Variants in CNTNAP5 observed in about 807,000 individuals in gnomAD.
CNTNAP5 encodes contactin associated protein family member 5.
In CNTNAP5, 72 loss-of-function variants were observed where a neutral mutation model predicts 150.2. That is an observed-to-expected ratio of 0.48 (90% CI 0.40 to 0.58). CNTNAP5 has a LOEUF of 0.58. CNTNAP5 is among the 20% of genes least tolerant of loss of function. The pLI is 0.00. For missense variants in CNTNAP5, 1,636 were observed against 1,626.2 expected (o/e 1.01, Z -0.10); for synonymous variants, 672 against 619.8 (o/e 1.08, Z -1.25).
intron 7 of CNTNAP5, among the ~76,000 whole-genome samples, chr2:124,484,396 A>G (rs1289360067): frequency 4.6e-5 from 7 of 152,228 alleles, no homozygotes; most frequent in Admixed American, 3.9e-4. Context: ...GTGTTGAGGA[A>G]GAGAATAATC....
chr2:124,030,958 C>A (rs1681031378), intron 1 of CNTNAP5, among the ~76,000 whole-genome samples: 1 of 152,132 alleles, frequency 6.6e-6, no homozygotes, highest in East Asian at 1.9e-4. Context: ...CAGGACTGGC[C>A]CTGATCTGGC....
intron 13 of CNTNAP5, among the ~76,000 whole-genome samples, chr2:124,711,906 A>G (rs879609726): frequency 6.6e-6 from 1 of 152,162 alleles, no homozygotes; most frequent in African/African-American, 2.4e-5. Flanking sequence ...GCACCTCATC[A>G]CAGATAAGTA....
intron 19 of CNTNAP5, among the ~76,000 whole-genome samples, chr2:124,813,562 T>A (rs948772316): frequency 1.3e-5 from 2 of 151,824 alleles, no homozygotes; most frequent in East Asian, 2.0e-4. Flanking sequence ...CAGGGGCAAC[T>A]TTACTTGGTT....
At chr2:124,260,616 C>T (rs890559140) in intron 3 of CNTNAP5, among the ~76,000 whole-genome samples, 8 of 152,182 alleles carry the variant, frequency 5.3e-5, no homozygotes, top group Non-Finnish European at 1.0e-4. Flanking sequence ...GCAATCTACT[C>T]ATTTGACAAA....
At chr2:124,487,808 A>G (rs1157249730) in intron 7 of CNTNAP5, among the ~76,000 whole-genome samples, 1 of 151,862 alleles carries the variant, frequency 6.6e-6, no homozygotes, top group African/African-American at 2.4e-5. Context: ...TTTTTCCCCC[A>G]TGTTTTTACC....
At chr2:124,519,098 G>A (rs1203106099) in intron 8 of CNTNAP5, among the ~76,000 whole-genome samples, 1 of 150,312 alleles carries the variant, frequency 6.7e-6, no homozygotes, top group Non-Finnish European at 1.5e-5. Flanking sequence ...AGAGCATAAT[G>A]TATGATTTTA....
chr2:124,788,962 C>T (rs1195042839), intron 17 of CNTNAP5, among the ~76,000 whole-genome samples: 1 of 152,108 alleles, frequency 6.6e-6, no homozygotes, highest in Non-Finnish European at 1.5e-5. Context: ...AGCCTCACCA[C>T]ACACCCACAC....
rs570937502 is a variant in CNTNAP5 at position 124,379,717 on chromosome 2, G to A, written c.382-37726G>A. Among the ~76,000 whole-genome samples the A allele has an allele frequency of 1.6e-4, 24 of 152,190 alleles. No individual in the cohort carries two copies. The East Asian group carries it at 1.7e-3, about 11-fold the overall frequency. ...GGCCTCCCTTGTGAGGTCTGGCAGC[G>A]CCCTCACAAGGGAGTTTTGTAACCA... On this transcript the variant is annotated intron_variant, in intron 3 of 23. Transcript: ENST00000682447.
At position 124,406,220 on chromosome 2, in the gene CNTNAP5, T is replaced by C. The variant is rs180773008; in HGVS notation, c.382-11223T>C. Among the ~76,000 whole-genome samples the C allele has an allele frequency of 6.1e-4, 93 of 152,362 alleles. No individual in the cohort carries two copies. The South Asian group carries it at 0.013, about 21-fold the overall frequency. ...ACTGTACGGTTTTAACTAAGACCTA[T>C]CTTATTGTGCAGGATATGGTCTCAG... is the stretch of plus-strand genomic sequence containing the variant. On this transcript the variant is annotated intron_variant, in intron 3 of 23. Transcript: ENST00000682447.
chr2:124,891,810 T>C (rs555995351), intron 21 of CNTNAP5, among the ~76,000 whole-genome samples: 1 of 152,210 alleles, frequency 6.6e-6, no homozygotes, highest in South Asian at 2.1e-4. Flanking sequence ...GGAAGTAATA[T>C]TCCCAATTAG....
intron 10 of CNTNAP5, among the ~76,000 whole-genome samples, chr2:124,541,312 C>T (rs183223021): frequency 1.8e-4 from 27 of 150,516 alleles, no homozygotes; most frequent in Non-Finnish European, 2.8e-4. Flanking sequence ...TCTTACTCTC[C>T]TCCCACCACC....
intron 3 of CNTNAP5, among the ~76,000 whole-genome samples, chr2:124,251,293 C>T (rs947616339): frequency 1.3e-5 from 1 of 78,814 alleles, no homozygotes; most frequent in African/African-American, 4.1e-5. Context: ...TTTTCCCCCA[C>T]CCCCCCAAGT....
At chr2:124,740,309 T>C (rs971767865) in intron 13 of CNTNAP5, among the ~76,000 whole-genome samples, 1 of 152,134 alleles carries the variant, frequency 6.6e-6, no homozygotes, top group Non-Finnish European at 1.5e-5. Flanking sequence ...CAAAGTTCTA[T>C]GAAGAGTTTT....
intron 1 of CNTNAP5, among the ~76,000 whole-genome samples, chr2:124,214,086 A>G (rs1449356580): frequency 6.6e-6 from 1 of 152,166 alleles, no homozygotes; most frequent in Non-Finnish European, 1.5e-5. Context: ...AAATGTATAG[A>G]GTCCTCATCC....
intron 20 of CNTNAP5, among the ~76,000 whole-genome samples, chr2:124,868,978 A>T (rs1235383461): frequency 6.6e-6 from 1 of 152,100 alleles, no homozygotes; most frequent in Non-Finnish European, 1.5e-5. Flanking sequence ...TGGGAAGGGG[A>T]CTGAACAAAT....
intron 6 of CNTNAP5, among the ~76,000 whole-genome samples, chr2:124,464,382 A>C (rs941178898): frequency 6.6e-6 from 1 of 152,194 alleles, no homozygotes; most frequent in Admixed American, 6.6e-5. Flanking sequence ...AAAAAGAAGG[A>C]CACTGGAAAC....
At position 124,819,091 on chromosome 2, in the gene CNTNAP5, T is replaced by G. The variant is rs143918817; in HGVS notation, c.3217+20771T>G. 4.6e-3 allele frequency among the ~76,000 whole-genome samples: 707 copies of G among 152,186 alleles called. 7 individuals carry two copies. Among genetic ancestry groups the G allele is most frequent in the African/African-American group, 0.016 (659 of 41,518 alleles). On this transcript the variant is annotated intron_variant, in intron 19 of 23. Transcript: ENST00000682447. ...TGGGGCTTATAGAGACCATGCCATCTCCAAATCAGCCCCAACCTTCACTCT... is the reference window on the plus strand; with the variant it reads ...TGGGGCTTATAGAGACCATGCCATCGCCAAATCAGCCCCAACCTTCACTCT...
At chr2:124,151,550 C>G (rs1395363212) in intron 1 of CNTNAP5, among the ~76,000 whole-genome samples, 2 of 152,172 alleles carry the variant, frequency 1.3e-5, no homozygotes, top group Non-Finnish European at 2.9e-5. Context: ...TAGTGGGTTA[C>G]TAATTAAATC....
intron 1 of CNTNAP5, among the ~76,000 whole-genome samples, chr2:124,062,259 A>G (rs1682029491): frequency 6.6e-6 from 1 of 152,150 alleles, no homozygotes; most frequent in African/African-American, 2.4e-5. Context: ...TATTATAACC[A>G]TCCTTTCCAT....
Sources: allele counts gnomAD v4.1 joint callset (sites outside exome capture counted in the v4.1 genomes callset), GRCh38; gene constraint gnomAD v4.1.1; transcripts MANE v1.5; gene names NCBI Gene and HGNC (gene_info 2026-07-23, HGNC 2026-07-21).